The following CDC14B variants were observed in gnomAD, a reference collection of about 807,000 sequenced individuals.
CDC14B encodes cell division cycle 14B, also known as dual specificity protein phosphatase CDC14B.
Under a neutral mutation model 64.2 loss-of-function variants are expected in CDC14B, and 22 were observed. The ratio of observed to expected loss-of-function variants is 0.34; its 90% CI spans 0.24 to 0.49. CDC14B has a LOEUF of 0.49. Ranked by LOEUF, CDC14B falls within the 20% of genes least tolerant of loss-of-function variation. The pLI, the probability that CDC14B is intolerant of heterozygous loss-of-function variation, is 0.99. For missense variants in CDC14B, 498 were observed against 629.9 expected, an observed-to-expected ratio of 0.79 and a Z score of 2.24; for synonymous variants, 191 against 215.8, an observed-to-expected ratio of 0.89 and a Z score of 1.01.
chr9:96,535,113 C>T (rs1409367307), intron 7 of CDC14B, among the ~76,000 whole-genome samples: 1 of 152,158 alleles, frequency 6.6e-6, no homozygotes, highest in East Asian at 1.9e-4. Context: ...TCGTGATCAG[C>T]CTGACCAACA....
At chr9:96,506,792 A>G (rs1264856118) in intron 13 of CDC14B, among the ~76,000 whole-genome samples, 2 of 152,202 alleles carry the variant, frequency 1.3e-5, no homozygotes, top group Non-Finnish European at 2.9e-5. Flanking sequence ...GAGAGGCAGG[A>G]GTTCAGGTTA....
intron 1 of CDC14B, among the ~76,000 whole-genome samples, chr9:96,601,218 G>A (rs1481727690): frequency 6.6e-6 from 1 of 152,130 alleles, no homozygotes; most frequent in Admixed American, 6.5e-5. Context: ...TAACTGTGGG[G>A]CCAGGTGTGG....
intron 1 of CDC14B, among the ~76,000 whole-genome samples, chr9:96,583,038 A>G (rs1416009484): frequency 6.6e-6 from 1 of 152,216 alleles, no homozygotes; most frequent in Admixed American, 6.5e-5. Flanking sequence ...CCATTATTAA[A>G]GCAGGGAGTC....
chr9:96,605,178 A>C lies in CDC14B; in HGVS notation c.160+14041T>G, dbSNP rs988476106. Among the ~76,000 whole-genome samples, 5 of 151,896 alleles carry C rather than the reference A, an allele frequency of 3.3e-5. No homozygotes were observed. The South Asian group carries it at 8.3e-4, about 25-fold the overall frequency. ...TACAATAATAGCACTAAGAGCACAG[A>C]GGAAAAAAAAAATAACAATAACGTA... On this transcript the variant is annotated intron_variant, in intron 1 of 13. Coordinates refer to ENST00000375241, the MANE Select transcript of CDC14B (RefSeq NM_033331.4).
intron 1 of CDC14B, among the ~76,000 whole-genome samples, chr9:96,594,295 T>C (rs1845942105): frequency 6.6e-6 from 1 of 151,994 alleles, no homozygotes; most frequent in African/African-American, 2.4e-5. Flanking sequence ...CAGCAAGAGC[T>C]CCCAGGACAG....
intron 1 of CDC14B, among the ~76,000 whole-genome samples, chr9:96,583,813 G>GA (rs1845315823): frequency 6.6e-6 from 1 of 152,064 alleles, no homozygotes; most frequent in African/African-American, 2.4e-5. Flanking sequence ...CCGCCTCCCG[G>GA]GTTCACACCA....
At chr9:96,603,330 T>C (rs562908944) in intron 1 of CDC14B, among the ~76,000 whole-genome samples, 1 of 152,198 alleles carries the variant, frequency 6.6e-6, no homozygotes, top group African/African-American at 2.4e-5. Context: ...TACATGCATA[T>C]ATTACCTATT....
At chr9:96,519,372 A>G (rs574103778) in intron 12 of CDC14B, among the ~76,000 whole-genome samples, 1 of 152,220 alleles carries the variant, frequency 6.6e-6, no homozygotes, top group Non-Finnish European at 1.5e-5. Flanking sequence ...TCAGGATCAG[A>G]CAGGCTGAGC....
intron 1 of CDC14B, among the ~76,000 whole-genome samples, chr9:96,571,254 C>T (rs566655751): frequency 1.3e-5 from 2 of 151,778 alleles, no homozygotes; most frequent in African/African-American, 4.8e-5. Context: ...CAGCTCACTG[C>T]AACCTCTGCT....
chr9:96,605,825 C>T (rs931009381), intron 1 of CDC14B, among the ~76,000 whole-genome samples: 1 of 151,776 alleles, frequency 6.6e-6, no homozygotes, highest in Admixed American at 6.6e-5. Flanking sequence ...TAAGCCACTG[C>T]ACTCCAGCCT....
chr9:96,544,356 G>A (rs1487973523), intron 5 of CDC14B, among the ~76,000 whole-genome samples: 1 of 152,164 alleles, frequency 6.6e-6, no homozygotes, highest in Non-Finnish European at 1.5e-5. Context: ...TTTAATTCTT[G>A]CTCAAACCTT....
In CDC14B at chr9:96,541,857, G is replaced by A; in HGVS notation, c.533C>T (p.Thr178Ile). 1 of 1,609,478 alleles carries A rather than the reference G, an allele frequency of 6.2e-7. No homozygotes were observed. The highest frequency in any genetic ancestry group is 8.5e-7 in the Non-Finnish European group (1 of 1,176,850). ...AAYGSCNFYI[T>I]LLDCFHAVKK... The stretch of plus-strand genomic sequence containing the variant: ...TACTGCATGAAAACAGTCAAGAAGT[G>A]TAATGTAGAAATTGCAACTTCCATA... Residue 178 changes from threonine to isoleucine, a missense_variant, in exon 6 of 14, where the codon ACA (threonine) becomes ATA (isoleucine). Transcript: ENST00000375241.
intron 9 of CDC14B, among the ~76,000 whole-genome samples, chr9:96,531,952 T>C (rs1434544447): frequency 6.6e-6 from 1 of 152,122 alleles, no homozygotes; most frequent in African/African-American, 2.4e-5. Flanking sequence ...GATCTAGTGA[T>C]TAAAAACTCC....
intron 12 of CDC14B, chr9:96,514,662 C>T: frequency 1.0e-6 from 1 of 985,408 alleles, no homozygotes; most frequent in Non-Finnish European, 1.2e-6. Context: ...TCATAACTTC[C>T]AAGTCCAAGA....
At chr9:96,551,111 C>CCTTTTTTTTTTTTTTTTTTTT (rs1841744448) in intron 5 of CDC14B, among the ~76,000 whole-genome samples, 1 of 93,296 alleles carries the variant, frequency 1.1e-5, no homozygotes, top group African/African-American at 4.9e-5. Context: ...TTGGGGTTTG[C>CCTTTTTTTTTTTTTTTTTTTT]TTTTTTTTTT....
intron 1 of CDC14B, among the ~76,000 whole-genome samples, chr9:96,615,509 A>G (rs923603627): frequency 1.3e-5 from 2 of 152,238 alleles, no homozygotes; most frequent in African/African-American, 2.4e-5. Context: ...AAGTTAAAAA[A>G]TGATGTATTT....
intron 1 of CDC14B, 118 bp downstream of exon 1, chr9:96,619,101 G>T: frequency 1.3e-6 from 1 of 747,454 alleles, no homozygotes; most frequent in Non-Finnish European, 1.8e-6. Flanking sequence ...AAGGGGGTGG[G>T]GGCGAAGGCA....
chr9:96,598,650 TA>T (rs1367057212), intron 1 of CDC14B, among the ~76,000 whole-genome samples: 1 of 151,844 alleles, frequency 6.6e-6, no homozygotes, highest in African/African-American at 2.4e-5. Context: ...GTGAAGTCAT[TA>T]AAAAAAACTA....
intron 13 of CDC14B, 63 bp downstream of exon 13, chr9:96,509,610 C>T (rs1483889543): frequency 1.0e-6 from 1 of 957,470 alleles, no homozygotes; most frequent in African/African-American, 1.6e-5. Context: ...GAGGTAGGGT[C>T]CAAATATTAA....
Sources: gnomAD v4.1 joint callset for allele counts (sites outside exome capture counted in the v4.1 genomes callset) on GRCh38, gnomAD v4.1.1 for gene constraint, MANE v1.5 for transcripts, NCBI Gene and HGNC (gene_info 2026-07-23, HGNC 2026-07-21) for gene names.